Variants in ELP1 observed in about 807,000 individuals in gnomAD.
ELP1 encodes the protein elongator acetyltransferase complex subunit 1.
ELP1 carries 131 observed loss-of-function variants against 183.2 expected under a neutral mutation model. The observed-to-expected ratio is 0.72, with a 90% CI of 0.62 to 0.83. The LOEUF is 0.83. Ranked by LOEUF, ELP1 falls within the 40% of genes least tolerant of loss-of-function variation. The pLI is 0.00. For missense variants in ELP1, 1,550 were observed against 1,594.9 expected (o/e 0.97, Z 0.48); for synonymous variants, 555 against 569.0 (o/e 0.98, Z 0.35).
At chr9:108,912,634 T>A in intron 10 of ELP1, 140 bp from the exon 11 acceptor site, 6 of 670,034 alleles carry the variant, frequency 9.0e-6, no homozygotes, top group Admixed American at 4.6e-5. Context: ...AGAACAATAA[T>A]AACTGCCAAA....
At chr9:108,894,406 A>G (rs1262575868) in intron 25 of ELP1, among the ~76,000 whole-genome samples, 5 of 152,212 alleles carry the variant, frequency 3.3e-5, no homozygotes, top group Admixed American at 6.5e-5. Context: ...TTGTGGATGC[A>G]GAAGCCGTGG....
At chr9:108,894,980 A>C (rs572683848) in intron 25 of ELP1, among the ~76,000 whole-genome samples, 2 of 152,278 alleles carry the variant, frequency 1.3e-5, no homozygotes, top group Admixed American at 6.5e-5. Context: ...ACAACAAATA[A>C]TTAAGTGCTC....
At chr9:108,905,744 C>T (rs970453263) in intron 14 of ELP1, among the ~76,000 whole-genome samples, 3 of 152,076 alleles carry the variant, frequency 2.0e-5, no homozygotes, top group Non-Finnish European at 4.4e-5. Flanking sequence ...CACCCCTAGC[C>T]TATGGGGTAT....
At chr9:108,884,890 G>A (rs1828066020) in intron 29 of ELP1, among the ~76,000 whole-genome samples, 1 of 152,006 alleles carries the variant, frequency 6.6e-6, no homozygotes. Context: ...AGACCAGCGT[G>A]GGCAACTAGT....
chr9:108,933,004 T>TG (rs1299054374), intron 1 of ELP1, among the ~76,000 whole-genome samples: 1 of 152,238 alleles, frequency 6.6e-6, no homozygotes, highest in African/African-American at 2.4e-5. Context: ...ATCACATGCA[T>TG]GATTACATAT....
At chr9:108,891,855 C>A (rs898859249) in intron 27 of ELP1, among the ~76,000 whole-genome samples, 1 of 152,042 alleles carries the variant, frequency 6.6e-6, no homozygotes, top group African/African-American at 2.4e-5. Context: ...GAATAAACCA[C>A]GTGATGAGAT....
In ELP1 at chr9:108,926,548, C is replaced by G; in HGVS notation, c.441G>C (p.Gln147His). Residue 147 changes from glutamine to histidine, a missense_variant, in exon 5 of 37, where the codon CAG (glutamine) becomes CAC (histidine). Coordinates refer to ENST00000374647, the MANE Select transcript of ELP1 (RefSeq NM_003640.5). ...TKDFEPILEQ[Q>H]IHQDDFGESK... The stretch of plus-strand genomic sequence containing the variant: ...TTTCACCAAAATCATCCTGATGGAT[C>G]TGCTGCTCCAGGATTGGCTCAAAAT... 1 of 1,612,834 alleles carries G rather than the reference C, an allele frequency of 6.2e-7. No homozygotes were observed. Among genetic ancestry groups the G allele is most frequent in the Middle Eastern group, 1.7e-4 (1 of 6,058 alleles).
At position 108,894,000 on chromosome 9, in the gene ELP1, T is replaced by A. The variant is rs145484092; in HGVS notation, c.2803A>T (p.Thr935Ser). The change falls in exon 26 of 37, where the codon ACT becomes TCT. Residue 935 changes from threonine (T) to serine (S), a missense_variant. Thr to Ser is a moderately conservative substitution (Grantham distance 58, BLOSUM62 1). Coordinates refer to ENST00000374647, the MANE Select transcript of ELP1 (RefSeq NM_003640.5). Reference sequence around the variant, plus strand: ...TATCGTTTCAAGTATTTGTCTATAGTAAACCGCTGATAATTAGTTTCCATT... The same window carrying A: ...TATCGTTTCAAGTATTTGTCTATAGAAAACCGCTGATAATTAGTTTCCATT... ...KKMETNYQRF[T>S]IDKYLKRYEK... The A allele has an allele frequency of 1.1e-4, 180 of 1,605,232 alleles. No individual in the cohort carries two copies. The highest frequency in any genetic ancestry group is 1.5e-4 in the Non-Finnish European group (178 of 1,172,148).
intron 36 of ELP1, among the ~76,000 whole-genome samples, chr9:108,872,662 G>A (rs911622689): frequency 2.7e-5 from 4 of 150,860 alleles, no homozygotes; most frequent in African/African-American, 7.4e-5. Flanking sequence ...AAAATTAGCC[G>A]GGCGTGATGG....
chr9:108,931,142 C>T lies in ELP1; in HGVS notation c.5G>A (p.Arg2Gln), dbSNP rs1201237100. The change falls in exon 2 of 37, where the codon CGA becomes CAA. Residue 2 changes from arginine (R) to glutamine (Q), a missense_variant. By Grantham distance (43) the Arg-to-Gln change is conservative. Transcript: ENST00000374647. M[R>Q]NLKLFRTLEF... ...CAGGGTCCGAAATAATTTCAGATTT[C>T]GCATGATGAAGTGATTCCCACGAGA... 1.2e-6 allele frequency: 2 copies of T among 1,613,904 alleles called. No individual in the cohort carries two copies. The highest frequency in any genetic ancestry group is 1.7e-6 in the Non-Finnish European group (2 of 1,179,946).
chr9:108,900,170 G>A, intron 19 of ELP1, 90 bp downstream of exon 19: 1 of 959,764 alleles, frequency 1.0e-6, no homozygotes, highest in South Asian at 1.3e-5. Context: ...CAAAGAATAA[G>A]AAAGCCTAAA....
chr9:108,927,688 G>C (rs529899634), intron 3 of ELP1, among the ~76,000 whole-genome samples: 2 of 152,142 alleles, frequency 1.3e-5, no homozygotes, highest in African/African-American at 4.8e-5. Context: ...ATACACAATG[G>C]AGTACTATTC....
intron 12 of ELP1, among the ~76,000 whole-genome samples, chr9:108,910,754 C>A (rs1255085398): frequency 1.3e-5 from 2 of 151,130 alleles, no homozygotes; most frequent in Non-Finnish European, 2.9e-5. Context: ...TTTCCAGAGT[C>A]CAATGTTATT....
chr9:108,885,448 T>C lies in ELP1; in HGVS notation c.3223-3261A>G, dbSNP rs367779130. Among the ~76,000 whole-genome samples the C allele has an allele frequency of 2.0e-5, 3 of 152,172 alleles. No individual in the cohort carries two copies. The East Asian group carries it at 5.8e-4, about 29-fold the overall frequency. On this transcript the variant is annotated intron_variant, in intron 29 of 36. Coordinates refer to ENST00000374647, the MANE Select transcript of ELP1 (RefSeq NM_003640.5). ...TTACTTGAAAGACATAAACTACCAA[T>C]GCTCATTCCAGAAGACACAGATAAA...
At chr9:108,873,602 C>A (rs1286992344) in intron 36 of ELP1, among the ~76,000 whole-genome samples, 1 of 152,108 alleles carries the variant, frequency 6.6e-6, no homozygotes, top group Non-Finnish European at 1.5e-5. Context: ...ACTGACCTAA[C>A]CTGAAGGTCA....
intron 27 of ELP1, among the ~76,000 whole-genome samples, chr9:108,892,195 G>A (rs920251016): frequency 3.9e-5 from 6 of 152,162 alleles, no homozygotes; most frequent in African/African-American, 4.8e-5. Flanking sequence ...AGTGTTTGGC[G>A]CCTGGTCCAG....
intron 11 of ELP1, 52 bp downstream of exon 11, chr9:108,912,212 C>T: frequency 7.2e-7 from 1 of 1,379,814 alleles, no homozygotes; most frequent in Non-Finnish European, 1.0e-6. Context: ...ATCTGCAGGC[C>T]CTAGGCTCAG....
chr9:108,893,486 C>T (rs191287553), intron 26 of ELP1, among the ~76,000 whole-genome samples: 86 of 152,330 alleles, frequency 5.6e-4, no homozygotes, highest in African/African-American at 2.0e-3. Flanking sequence ...CCCATCAGTC[C>T]TCAGTAAAGA....
chr9:108,903,480 A>G, intron 15 of ELP1, 83 bp downstream of exon 15: 1 of 969,876 alleles, frequency 1.0e-6, no homozygotes, highest in South Asian at 1.3e-5. Context: ...TCAATATTGA[A>G]CTGACAAGAT....
Sources: allele counts gnomAD v4.1 joint callset (sites outside exome capture counted in the v4.1 genomes callset), GRCh38; gene constraint gnomAD v4.1.1; transcripts MANE v1.5; gene names NCBI Gene and HGNC (gene_info 2026-07-23, HGNC 2026-07-21).